CCDC125: variants seen among roughly 807,000 people sequenced by gnomAD.
The protein encoded by CCDC125 is coiled-coil domain containing 125.
Under a neutral mutation model 57.4 loss-of-function variants are expected in CCDC125, and 43 were observed. That is an observed-to-expected ratio of 0.75 (90% CI 0.59 to 0.97). The LOEUF (loss-of-function observed/expected upper bound fraction) is 0.97, where lower values mean the gene tolerates loss of function less well. CCDC125 is among the 50% of genes least tolerant of loss of function. CCDC125 has a pLI of 0.00. For synonymous variants in CCDC125, 187 were observed against 195.2 expected, an observed-to-expected ratio of 0.96 and a Z score of 0.35; for missense variants, 563 against 595.7, an observed-to-expected ratio of 0.95 and a Z score of 0.57.
At chr5:69,285,586 A>T in intron 10 of CCDC125, 119 bp from the exon 11 acceptor site, 1 of 1,001,120 alleles carries the variant, frequency 1.0e-6, no homozygotes, top group African/African-American at 1.6e-5. Flanking sequence ...AGTGGAATGT[A>T]GTGAGCAGAG....
intron 1 of CCDC125, among the ~76,000 whole-genome samples, chr5:69,327,145 A>G (rs1486515172): frequency 7.1e-6 from 1 of 141,352 alleles, no homozygotes; most frequent in African/African-American, 2.7e-5. Flanking sequence ...CCCAGGCTGG[A>G]GTGCCCTGGC....
chr5:69,275,699 C>T (rs976883912), downstream of CCDC125, among the ~76,000 whole-genome samples: 5 of 152,066 alleles, frequency 3.3e-5, no homozygotes, highest in Admixed American at 6.6e-5. Context: ...TTCAGCCAGG[C>T]GCGGTGGCTC....
At chr5:69,302,497 G>A (rs1334927471) in intron 7 of CCDC125, among the ~76,000 whole-genome samples, 15 of 149,700 alleles carry the variant, frequency 1.0e-4, no homozygotes, top group Non-Finnish European at 7.4e-5. Context: ...AGGCTGAGGC[G>A]GGCGGATCAC....
chr5:69,326,575 C>T (rs1260546318), intron 1 of CCDC125, among the ~76,000 whole-genome samples: 2 of 151,826 alleles, frequency 1.3e-5, no homozygotes, highest in African/African-American at 4.8e-5. Flanking sequence ...TGGAATTGGT[C>T]AATATAAGGG....
chr5:69,285,867 C>T (rs1170822130), intron 10 of CCDC125, among the ~76,000 whole-genome samples: 1 of 152,144 alleles, frequency 6.6e-6, no homozygotes, highest in Non-Finnish European at 1.5e-5. Flanking sequence ...GGCCTCTGAG[C>T]CATGCAAACT....
intron 3 of CCDC125, chr5:69,313,238 T>TG (rs948161482): frequency 4.0e-6 from 2 of 495,080 alleles, no homozygotes; most frequent in Admixed American, 7.0e-5. Flanking sequence ...GTTTGGCAAC[T>TG]GGGGTGAAGG....
chr5:69,282,899 T>C lies in CCDC125; in HGVS notation c.1366A>G (p.Asn456Asp), dbSNP rs756046597. 28 of 1,614,158 alleles carry C rather than the reference T, an allele frequency of 1.7e-5. No individual in the cohort carries two copies. Among genetic ancestry groups the C allele is most frequent in the Non-Finnish European group, 2.3e-5 (27 of 1,180,018 alleles). The part of the protein sequence containing the change: ...NPIKENFPFN[N>D]PWRKTSEFSV... ...AATTCTGAAGTCTTACGCCAGGGGTTGTTGAAAGGGAAATTCTCTTTTATA... is the reference window on the plus strand; with the variant it reads ...AATTCTGAAGTCTTACGCCAGGGGTCGTTGAAAGGGAAATTCTCTTTTATA... Residue 456 changes from asparagine to aspartate, a missense_variant, in exon 12 of 12, where the codon AAC becomes GAC. Asn to Asp is a conservative substitution (Grantham distance 23). Transcript: ENST00000396496.
the CCDC125 span, among the ~76,000 whole-genome samples, chr5:69,274,029 CTT>C: frequency 6.6e-5 from 10 of 152,208 alleles, no homozygotes; most frequent in African/African-American, 1.4e-4. Flanking sequence ...TACACATACT[CTT>C]TTAATTTCAA....
chr5:69,286,833 A>T (rs1004874921), intron 10 of CCDC125, among the ~76,000 whole-genome samples: 3 of 151,898 alleles, frequency 2.0e-5, no homozygotes, highest in Admixed American at 6.6e-5. Context: ...GGCGGCCCTG[A>T]CCCCTTCCAC....
In CCDC125 at chr5:69,320,305, T is replaced by G. The variant is rs767655359; in HGVS notation, c.236A>C (p.His79Pro). 1.4e-5 allele frequency: 23 copies of G among 1,614,188 alleles called. No homozygotes were observed. Among genetic ancestry groups the G allele is most frequent in the Non-Finnish European group, 1.9e-5 (23 of 1,180,022 alleles). Residue 79 changes from histidine to proline, a missense_variant, in exon 2 of 12, where the codon CAT (histidine) becomes CCT (proline). Physicochemically the swap from His to Pro is moderately conservative, Grantham distance 77. Transcript: ENST00000396496. ...AGGGAATGTATCTTGCTGGCTCTTA[T>G]GCTTGGAATACTGAAAACTCGCTTC... ...RNEASFQYSK[H>P]KSQQDTFPQV...
rs1757397228 is a variant in CCDC125 at position 69,306,816 on chromosome 5, C to T, written c.617+1G>A. 6.8e-7 allele frequency: 1 copy of T among 1,477,260 alleles called. No homozygotes were observed. The highest frequency in any genetic ancestry group is 9.0e-7 in the Non-Finnish European group (1 of 1,115,600). The allele number at this position is 1,477,260 out of a possible 1,614,324, so 91.5% of individuals were successfully genotyped here. On this transcript the variant is annotated splice_donor_variant, in intron 6 of 11. Coordinates refer to ENST00000396496, the MANE Select transcript of CCDC125 (RefSeq NM_176816.5). LOFTEE classifies it high-confidence loss of function. ...GAAAAATAATGGAGTAATATACAAA[C>T]CTGTCATATTTTTGGATCCAAGATT...
At position 69,322,710 on chromosome 5, in the gene CCDC125, G is replaced by C. The variant is rs372605974; in HGVS notation, c.-40-2130C>G. On this transcript the variant is annotated intron_variant, in intron 1 of 11. Transcript: ENST00000396496. ...CCTGAGTAGCTGGGATTACAGGCAC[G>C]CGCCACCACACCCGGCTAATTTTTG... is the stretch of plus-strand genomic sequence containing the variant. Among the ~76,000 whole-genome samples the C allele has an allele frequency of 3.8e-4, 58 of 151,884 alleles. No homozygotes were observed. The East Asian group carries it at 0.011, about 29-fold the overall frequency.
rs779564141 is a variant in CCDC125, at chr5:69,320,357, A to G, written c.184T>C (p.Phe62Leu). Residue 62 changes from phenylalanine (F) to leucine (L), a missense_variant, in exon 2 of 12, where the codon TTT becomes CTT. Phe to Leu is a conservative substitution (Grantham distance 22). Coordinates refer to ENST00000396496, the MANE Select transcript of CCDC125 (RefSeq NM_176816.5). ...TTTCTTTCTTCTCCCTTTCTCGGAA[A>G]TGGAGGAGGGCTAAAGTTCTTTCCA... ...SDGKNFSPPP[F>L]PRKGEERNEA... 3.1e-6 allele frequency: 5 copies of G among 1,614,000 alleles called. No homozygotes were observed. The highest frequency in any genetic ancestry group is 1.3e-5 in the African/African-American group (1 of 74,888).
At chr5:69,320,837 T>C (rs1383401354) in intron 1 of CCDC125, among the ~76,000 whole-genome samples, 1 of 152,024 alleles carries the variant, frequency 6.6e-6, no homozygotes, top group Non-Finnish European at 1.5e-5. Context: ...AATGAAATAC[T>C]AGTCAGCCTT....
rs1387347351 is a variant in CCDC125, at chr5:69,314,280, C to T, written c.305-234G>A. Among the ~76,000 whole-genome samples, 4 of 151,998 alleles carry T rather than the reference C, an allele frequency of 2.6e-5. No homozygotes were observed. The East Asian group carries it at 7.7e-4, about 29-fold the overall frequency. On this transcript the variant is annotated intron_variant, in intron 2 of 11. Coordinates refer to ENST00000396496, the MANE Select transcript of CCDC125 (RefSeq NM_176816.5). ...AGGAGTTCAAGGCCAGCCTGGCCAA[C>T]ATGGTAAAACCCTGTCTCTACTAAA...
At chr5:69,311,095 A>G in intron 4 of CCDC125, 23 bp downstream of exon 4, 1 of 1,506,698 alleles carries the variant, frequency 6.6e-7, no homozygotes, top group South Asian at 1.1e-5. Flanking sequence ...GTAAATGGTG[A>G]AAGTTTAAAA....
At chr5:69,315,462 CAAAAAA>C (rs1227842099) in intron 2 of CCDC125, among the ~76,000 whole-genome samples, 2 of 24,704 alleles carry the variant, frequency 8.1e-5, no homozygotes, top group South Asian at 1.4e-3. Flanking sequence ...AAAAAAAAAA[CAAAAAA>C]AAAAAAGGCC....
chr5:69,294,523 C>A (rs1169293426), intron 9 of CCDC125, among the ~76,000 whole-genome samples: 1 of 152,172 alleles, frequency 6.6e-6, no homozygotes, highest in Admixed American at 6.5e-5. Context: ...AAACTCCTGA[C>A]CTCAGGTGAT....
At chr5:69,317,322 A>G (rs963337428) in intron 2 of CCDC125, among the ~76,000 whole-genome samples, 1 of 152,090 alleles carries the variant, frequency 6.6e-6, no homozygotes, top group East Asian at 1.9e-4. Context: ...TCATGTTTTT[A>G]TAAAGGCATC....
Sources: gnomAD v4.1 joint callset for allele counts (sites outside exome capture counted in the v4.1 genomes callset) on GRCh38, gnomAD v4.1.1 for gene constraint, MANE v1.5 for transcripts, NCBI Gene and HGNC (gene_info 2026-07-23, HGNC 2026-07-21) for gene names.